The following DPH7 variants were observed in gnomAD, a reference collection of about 807,000 sequenced individuals.
DPH7 encodes the protein diphthamide biosynthesis 7.
DPH7 carries 44 observed loss-of-function variants against 41.7 expected under a neutral mutation model. The ratio of observed to expected loss-of-function variants is 1.05; its 90% CI spans 0.83 to 1.36. The LOEUF (loss-of-function observed/expected upper bound fraction) is 1.36, where lower values mean the gene tolerates loss of function less well. DPH7 is among the 40% of genes most tolerant of loss of function. The pLI, the probability that DPH7 is intolerant of heterozygous loss-of-function variation, is 0.00. For synonymous variants in DPH7, 275 were observed against 238.0 expected (o/e 1.16, Z -1.43); for missense variants, 629 against 577.5 (o/e 1.09, Z -0.91).
intron 3 of DPH7, chr9:137,575,720 A>G: frequency 9.4e-7 from 1 of 1,065,594 alleles, no homozygotes; most frequent in African/African-American, 1.6e-5. Context: ...TGCTTTTCCA[A>G]TAATCAGTGA....
At chr9:137,578,600 C>T (rs1841861309) in intron 1 of DPH7, 25 bp downstream of exon 1, 2 of 1,458,456 alleles carry the variant, frequency 1.4e-6, no homozygotes, top group African/African-American at 1.5e-5. Context: ...CCCGCCCTCC[C>T]CTCCCGAAGC....
At chr9:137,561,249 A>G (rs1331890449) in intron 8 of DPH7, among the ~76,000 whole-genome samples, 1 of 152,158 alleles carries the variant, frequency 6.6e-6, no homozygotes, top group Non-Finnish European at 1.5e-5. Flanking sequence ...ACCAAATTTC[A>G]CAAAAATGGA....
At position 137,555,086 on chromosome 9, in the gene DPH7, G is replaced by A. The variant is rs186091519; in HGVS notation, c.*153C>T. The A allele has an allele frequency of 4.5e-3, 4,260 of 942,308 alleles. 21 individuals carry two copies. The highest frequency in any genetic ancestry group is 5.8e-3 in the Non-Finnish European group (3,940 of 678,990). The allele number at this position is 942,308 out of a possible 1,614,324, so 58.4% of individuals were successfully genotyped here. A position where few individuals can be genotyped will look rare whatever the true frequency, so the allele number is the denominator to read the frequency against. ...GCCCAGCAGGGAAGCTGATTTAAGA[G>A]AAGTCAACAGCTTTTCTGACTACAC... is the stretch of plus-strand genomic sequence containing the variant. On this transcript the variant is annotated 3_prime_UTR_variant, in exon 9 of 9. Coordinates refer to ENST00000277540, the MANE Select transcript of DPH7 (RefSeq NM_138778.5).
chr9:137,571,631 T>C (rs137917932), intron 5 of DPH7, among the ~76,000 whole-genome samples: 2,537 of 151,728 alleles, frequency 0.017, 32 homozygotes, highest in Middle Eastern at 0.054. Context: ...CTACTAAAAA[T>C]ACAAAAATTA....
intron 3 of DPH7, chr9:137,575,517 A>G (rs1188012570): frequency 4.0e-5 from 40 of 990,964 alleles, no homozygotes; most frequent in Non-Finnish European, 4.7e-5. Flanking sequence ...CTTTTCCTAC[A>G]CAGGCCCTCG....
rs1458070257 is a variant in DPH7 at position 137,578,626 on chromosome 9, T to C, written c.152A>G (p.Lys51Arg). ...PEDRPAGPQN[K>R]GGMEVKEPQV... ...CTCCCGAAGCCGCGGCGCGCGCACC[T>C]TGTTCTGGGGGCCGGCAGGCCGGTC... is the stretch of plus-strand genomic sequence containing the variant. Residue 51 changes from lysine to arginine, a missense_variant and splice_region_variant, in exon 1 of 9, where the codon AAG becomes AGG. Physicochemically the swap from Lys to Arg is conservative, Grantham distance 26. Transcript: ENST00000277540. 4 of 1,332,174 alleles carry C rather than the reference T, an allele frequency of 3.0e-6. No homozygotes were observed. The East Asian group carries it at 1.2e-4, about 39-fold the overall frequency. The allele number at this position is 1,332,174 out of a possible 1,614,324, so 82.5% of individuals were successfully genotyped here. A position where few individuals can be genotyped will look rare whatever the true frequency, so the allele number is the denominator to read the frequency against.
At chr9:137,562,840 G>A (rs1440981297) in intron 8 of DPH7, among the ~76,000 whole-genome samples, 1 of 152,134 alleles carries the variant, frequency 6.6e-6, no homozygotes, top group Non-Finnish European at 1.5e-5. Flanking sequence ...GGTGGCACAA[G>A]CCTGTGATCC....
chr9:137,565,142 CCAT>C lies in DPH7; in HGVS notation c.650_652del (p.Asp217del). On this transcript the variant is annotated inframe_deletion, in exon 6 of 9. Transcript: ENST00000277540. Reference sequence around the variant, plus strand: ...CCTGGTGTCCCAGCCCCTCAGAAGGCCATCGTCGCCCCCTGTGTGGAGAAAGAG... The same window carrying C: ...CCTGGTGTCCCAGCCCCTCAGAAGGCCGTCGCCCCCTGTGTGGAGAAAGAG... 1 of 1,614,006 alleles carries C rather than the reference CCAT, an allele frequency of 6.2e-7. No individual in the cohort carries two copies. The highest frequency in any genetic ancestry group is 8.5e-7 in the Non-Finnish European group (1 of 1,180,012).
At position 137,576,140 on chromosome 9, in the gene DPH7, G is replaced by A; in HGVS notation, c.315C>T (p.Ala105=). 3 of 1,613,830 alleles carry A rather than the reference G, an allele frequency of 1.9e-6. No individual in the cohort carries two copies. Among genetic ancestry groups the A allele is most frequent in the South Asian group, 1.1e-5 (1 of 91,088 alleles). The change falls in exon 3 of 9, where the codon GCC becomes GCT. Residue 105 remains alanine (A), a synonymous_variant. Coordinates refer to ENST00000277540, the MANE Select transcript of DPH7 (RefSeq NM_138778.5). The stretch of plus-strand genomic sequence containing the variant: ...CACTGGCATCTGCCAAGCCCAAGAG[G>A]GCATGTCCAGCCACCGGGATGTGAC... ...KWCHIPVAGH[A]LLGLADASGS... is the part of the protein sequence containing the mutation.
At chr9:137,572,033 G>A (rs1001596328) in intron 5 of DPH7, among the ~76,000 whole-genome samples, 20 of 152,068 alleles carry the variant, frequency 1.3e-4, no homozygotes, top group African/African-American at 4.3e-4. Flanking sequence ...GCTCTCAGAC[G>A]GTTCAAGGCT....
At position 137,578,652 on chromosome 9, in the gene DPH7, C is replaced by T; in HGVS notation, c.126G>A (p.Glu42=). ...TGTTCTGGGGGCCGGCAGGCCGGTC[C>T]TCCGGCCGCCGCAGCTGGTAGGTCC... The part of the protein sequence containing the change: ...ACGTYQLRRP[E]DRPAGPQNKG... Residue 42 remains glutamate, a synonymous_variant, in exon 1 of 9, where the codon GAG becomes GAA. Coordinates refer to ENST00000277540, the MANE Select transcript of DPH7 (RefSeq NM_138778.5). 2 of 1,519,762 alleles carry T rather than the reference C, an allele frequency of 1.3e-6. No individual in the cohort carries two copies. Among genetic ancestry groups the T allele is most frequent in the Non-Finnish European group, 1.8e-6 (2 of 1,137,448 alleles). 94.1% of individuals were successfully genotyped at this position (1,519,762 alleles called of 1,614,324 possible).
Position 137,554,708 on chromosome 9 carries a change from C to T in DPH7, c.*531G>A, listed in dbSNP as rs1431201772. ...TCCTGCCTCAGCCCCTTCCAAAGTG[C>T]TGGGATTACAGGCCACTGTGACTGT... On this transcript the variant is annotated 3_prime_UTR_variant, in exon 9 of 9. Transcript: ENST00000277540. 6.6e-6 allele frequency among the ~76,000 whole-genome samples: 1 copy of T among 152,132 alleles called. No homozygotes were observed. Among genetic ancestry groups the T allele is most frequent in the Non-Finnish European group, 1.5e-5 (1 of 68,030 alleles).
At chr9:137,562,086 G>A (rs948793745) in intron 8 of DPH7, among the ~76,000 whole-genome samples, 10 of 152,228 alleles carry the variant, frequency 6.6e-5, no homozygotes, top group Admixed American at 2.0e-4. Context: ...GGATGGTCTC[G>A]ATCTCCTGAC....
intron 8 of DPH7, among the ~76,000 whole-genome samples, chr9:137,557,247 C>G (rs928187970): frequency 2.6e-5 from 4 of 152,222 alleles, no homozygotes; most frequent in African/African-American, 7.2e-5. Context: ...GTGGCTCACA[C>G]CTGTAATCCC....
intron 2 of DPH7, among the ~76,000 whole-genome samples, chr9:137,577,053 C>CCAAAAA (rs1554808950): frequency 0.016 from 2,217 of 139,264 alleles, 50 homozygotes; most frequent in African/African-American, 0.055. Flanking sequence ...AACCCTGCCT[C>CCAAAAA]AAAAAAAAAA....
intron 2 of DPH7, chr9:137,576,459 C>T (rs1239321678): frequency 1.2e-5 from 4 of 335,644 alleles, no homozygotes; most frequent in South Asian, 4.9e-5. Flanking sequence ...AACAGGTGGC[C>T]GGGCATGGTG....
intron 3 of DPH7, chr9:137,575,492 T>G: frequency 1.0e-6 from 1 of 990,662 alleles, no homozygotes. Context: ...TGCTCTAAGC[T>G]GCCTTAAGCA....
In DPH7 at chr9:137,554,453, A is replaced by C. The variant is rs1370675127; in HGVS notation, c.*786T>G. 6.6e-6 allele frequency among the ~76,000 whole-genome samples: 1 copy of C among 152,158 alleles called. No individual in the cohort carries two copies. Among genetic ancestry groups the C allele is most frequent in the African/African-American group, 2.4e-5 (1 of 41,442 alleles). On this transcript the variant is annotated 3_prime_UTR_variant, in exon 9 of 9. Transcript: ENST00000277540. ...AACTGGTTGTCCTCAATTATTGTTT[A>C]TACAATTTTTTATTATTTAATTTTT... is the stretch of plus-strand genomic sequence containing the variant.
intron 8 of DPH7, 105 bp from the exon 9 acceptor site, chr9:137,555,753 C>A: frequency 7.6e-7 from 1 of 1,313,958 alleles, no homozygotes; most frequent in South Asian, 1.5e-5. Context: ...CCTCACAGGT[C>A]AGCAAGTGTT....
Sources: allele counts gnomAD v4.1 joint callset (sites outside exome capture counted in the v4.1 genomes callset), GRCh38; gene constraint gnomAD v4.1.1; transcripts MANE v1.5; gene names NCBI Gene and HGNC (gene_info 2026-07-23, HGNC 2026-07-21).